SHANK2: variants seen among roughly 807,000 people sequenced by gnomAD.
SHANK2 encodes the protein SH3 and multiple ankyrin repeat domains protein 2.
SHANK2 carries 43 observed loss-of-function variants against 133.7 expected under a neutral mutation model. That is an observed-to-expected ratio of 0.32 (90% confidence interval 0.25 to 0.41). The LOEUF is 0.41. Among genes scored for constraint, SHANK2 ranks in the 10% least tolerant of loss-of-function variants. SHANK2 has a pLI of 1.00. For synonymous variants in SHANK2, 1,017 were observed against 952.8 expected, an observed-to-expected ratio of 1.07 and a Z score of -1.24; for missense variants, 1,994 against 2,235.8, an observed-to-expected ratio of 0.89 and a Z score of 2.18.
intron 17 of SHANK2, among the ~76,000 whole-genome samples, chr11:70,628,912 C>T (rs920199842): frequency 1.6e-4 from 24 of 152,180 alleles, no homozygotes; most frequent in African/African-American, 5.8e-4. Flanking sequence ...GGCTGCAGCG[C>T]GGCAAGGCAG....
At chr11:70,878,750 A>G (rs1412686795) in intron 11 of SHANK2, among the ~76,000 whole-genome samples, 4 of 152,180 alleles carry the variant, frequency 2.6e-5, no homozygotes, top group African/African-American at 9.7e-5. Context: ...GACCCTGACA[A>G]GCTCTCTGCT....
At chr11:70,709,013 C>T (rs1196442731) in intron 14 of SHANK2, among the ~76,000 whole-genome samples, 4 of 152,172 alleles carry the variant, frequency 2.6e-5, no homozygotes, top group Non-Finnish European at 5.9e-5. Context: ...GAGTTCAAGA[C>T]CAGCCTGACC....
At chr11:70,528,477 TG>T (rs2059426440) in intron 17 of SHANK2, among the ~76,000 whole-genome samples, 1 of 152,098 alleles carries the variant, frequency 6.6e-6, no homozygotes. Context: ...TGGGAGGGGC[TG>T]GATGGGGCTC....
intron 1 of SHANK2, among the ~76,000 whole-genome samples, chr11:71,225,756 G>C (rs782497051): frequency 3.2e-4 from 48 of 152,182 alleles, no homozygotes; most frequent in Non-Finnish European, 4.1e-4. Context: ...GAACATGCTA[G>C]AAACAGATGA....
chr11:70,742,715 T>G (rs1461263249), intron 14 of SHANK2, among the ~76,000 whole-genome samples: 2 of 152,196 alleles, frequency 1.3e-5, no homozygotes, highest in Non-Finnish European at 2.9e-5. Flanking sequence ...GAGCTCTCCA[T>G]GCACAGCCAC....
Position 71,076,534 on chromosome 11 carries a change from CA to C in SHANK2, c.913-1260del, listed in dbSNP as rs1225731876. Among the ~76,000 whole-genome samples, 284 of 144,312 alleles carry C rather than the reference CA, an allele frequency of 2.0e-3. 2 individuals are homozygous for C. Among genetic ancestry groups the C allele is most frequent in the African/African-American group, 5.3e-3 (211 of 39,502 alleles). 94.7% of individuals were successfully genotyped at this position (144,312 alleles called of 152,430 possible). On this transcript the variant is annotated intron_variant, in intron 8 of 25. Coordinates refer to ENST00000601538, the MANE Select transcript of SHANK2 (RefSeq NM_012309.5). Reference sequence around the variant, plus strand: ...ACAAACAAAAACAAAAAACGAAAAACAAAAAAAAAAACCACACACACACACG... The same window carrying C: ...ACAAACAAAAACAAAAAACGAAAAACAAAAAAAAAACCACACACACACACG...
intron 15 of SHANK2, among the ~76,000 whole-genome samples, chr11:70,684,857 C>A (rs182899637): frequency 6.6e-6 from 1 of 152,278 alleles, no homozygotes; most frequent in African/African-American, 2.4e-5. Flanking sequence ...CACTCTGCCT[C>A]AGTGTACCCT....
At position 70,840,015 on chromosome 11, in the gene SHANK2, C is replaced by T. The variant is rs115601201; in HGVS notation, c.1175-19333G>A. ...GGGAATGTCAAGCGTGAGGTGGGCTCGGCCGGCCAGCAGCTATGCAGCCCT... is the reference window on the plus strand; with the variant it reads ...GGGAATGTCAAGCGTGAGGTGGGCTTGGCCGGCCAGCAGCTATGCAGCCCT... On this transcript the variant is annotated intron_variant, in intron 11 of 25. Transcript: ENST00000601538. Among the ~76,000 whole-genome samples, 414 of 152,320 alleles carry T rather than the reference C, an allele frequency of 2.7e-3. 1 individual carries two copies. Among genetic ancestry groups the T allele is most frequent in the African/African-American group, 9.2e-3 (384 of 41,576 alleles).
chr11:71,116,961 T>A (rs1325146362), intron 4 of SHANK2, among the ~76,000 whole-genome samples: 10 of 152,210 alleles, frequency 6.6e-5, no homozygotes, highest in African/African-American at 2.4e-4. Context: ...ACACTTTCTG[T>A]ACAGCCTGCA....
In SHANK2 at chr11:70,837,995, A is replaced by G. The variant is rs573158708; in HGVS notation, c.1175-17313T>C. Among the ~76,000 whole-genome samples, 767 of 150,568 alleles carry G rather than the reference A, an allele frequency of 5.1e-3. 10 individuals are homozygous for G. Among genetic ancestry groups the G allele is most frequent in the African/African-American group, 0.017 (708 of 41,000 alleles). On this transcript the variant is annotated intron_variant, in intron 11 of 25. Coordinates refer to ENST00000601538, the MANE Select transcript of SHANK2 (RefSeq NM_012309.5). Reference sequence around the variant, plus strand: ...TGTCTCAAAAAAAAAAAAAAAAAAAAAAAAAAGAAAAAAAAAAGATGCATG... The same window carrying G: ...TGTCTCAAAAAAAAAAAAAAAAAAAGAAAAAAGAAAAAAAAAAGATGCATG...
At chr11:70,592,042 T>A (rs1014202415) in intron 17 of SHANK2, among the ~76,000 whole-genome samples, 12 of 143,610 alleles carry the variant, frequency 8.4e-5, no homozygotes, top group South Asian at 2.4e-4. Flanking sequence ...AAAAAAAAAA[T>A]AAATAAATAA....
At chr11:70,607,502 C>T (rs1284485005) in intron 17 of SHANK2, among the ~76,000 whole-genome samples, 4 of 152,348 alleles carry the variant, frequency 2.6e-5, no homozygotes, top group South Asian at 2.1e-4. Flanking sequence ...CCATTCTGTG[C>T]CCAGCACCTG....
Position 70,621,881 on chromosome 11 carries a change from G to A in SHANK2, c.2061+37947C>T, listed in dbSNP as rs982095108. Among the ~76,000 whole-genome samples, 5 of 152,218 alleles carry A rather than the reference G, an allele frequency of 3.3e-5. No homozygotes were observed. In the East Asian group the frequency reaches 9.7e-4, roughly 29 times the overall value. ...TCAAGTGTGACTGACAGGTGTTGCC[G>A]ACAGACATCCCAGCCTGCACACCCC... is the stretch of plus-strand genomic sequence containing the variant. On this transcript the variant is annotated intron_variant, in intron 17 of 25. Coordinates refer to ENST00000601538, the MANE Select transcript of SHANK2 (RefSeq NM_012309.5).
rs184683463 is a variant in SHANK2 at position 70,535,445 on chromosome 11, T to C, written c.2062-32514A>G. Reference sequence around the variant, plus strand: ...CCATCCATCCATCTGCCATCATCCATCAGTCCAACCATCAGTCCGTCCGTC... The same window carrying C: ...CCATCCATCCATCTGCCATCATCCACCAGTCCAACCATCAGTCCGTCCGTC... On this transcript the variant is annotated intron_variant, in intron 17 of 25. Transcript: ENST00000601538. The surrounding 1 kb of genome is among the most constrained non-coding windows in gnomAD (Gnocchi z 4.3). 7.3e-4 allele frequency among the ~76,000 whole-genome samples: 111 copies of C among 152,226 alleles called. No individual in the cohort carries two copies. The highest frequency in any genetic ancestry group is 2.6e-3 in the African/African-American group (109 of 41,528).
At chr11:70,643,051 G>C (rs1192994262) in intron 17 of SHANK2, among the ~76,000 whole-genome samples, 1 of 152,102 alleles carries the variant, frequency 6.6e-6, no homozygotes, top group African/African-American at 2.4e-5. Context: ...ACATGGGCCC[G>C]TACATATGTA....
chr11:70,680,332 G>C (rs1341191289), intron 15 of SHANK2, among the ~76,000 whole-genome samples: 4 of 152,190 alleles, frequency 2.6e-5, no homozygotes, highest in African/African-American at 7.2e-5. Flanking sequence ...ACAGTTCTGG[G>C]GGTCCGAGGT....
intron 10 of SHANK2, among the ~76,000 whole-genome samples, chr11:70,954,304 A>G (rs1395562067): frequency 1.3e-5 from 2 of 152,216 alleles, no homozygotes; most frequent in Non-Finnish European, 2.9e-5. Context: ...AGGAACCACA[A>G]TATCACCCAC....
chr11:71,085,976 TTA>T (rs1303711454), intron 8 of SHANK2, among the ~76,000 whole-genome samples: 23 of 10,778 alleles, frequency 2.1e-3, no homozygotes, highest in Admixed American at 5.6e-3. Context: ...ATTATATATA[TTA>T]TGTTATATAT....
chr11:70,502,027 G>A (rs2059061611), intron 19 of SHANK2, 96 bp from the exon 20 acceptor site: 3 of 1,413,516 alleles, frequency 2.1e-6, no homozygotes, highest in African/African-American at 1.4e-5. Flanking sequence ...AGGCTCCGAG[G>A]GAGGTGCACA....
Sources: allele counts gnomAD v4.1 joint callset (sites outside exome capture counted in the v4.1 genomes callset), GRCh38; gene constraint gnomAD v4.1.1; non-coding constraint Gnocchi (gnomAD v3.1); transcripts MANE v1.5; gene names NCBI Gene and HGNC (gene_info 2026-07-23, HGNC 2026-07-21).